UGT1A5: variants seen among roughly 807,000 people sequenced by gnomAD.
The protein encoded by UGT1A5 is UDP-glucuronosyltransferase 1A5.
UGT1A5 carries 29 observed loss-of-function variants against 40.3 expected under a neutral mutation model. The ratio of observed to expected loss-of-function variants is 0.72; its 90% confidence interval spans 0.54 to 0.98. The LOEUF is 0.98. UGT1A5 is among the 50% of genes least tolerant of loss of function. UGT1A5 has a pLI of 0.00. For missense variants in UGT1A5, 678 were observed against 677.9 expected, an observed-to-expected ratio of 1.00 and a Z score of 0.00; for synonymous variants, 257 against 262.5, an observed-to-expected ratio of 0.98 and a Z score of 0.20.
In UGT1A5 at chr2:233,743,767, G is replaced by C. The variant is rs374421270; in HGVS notation, c.868-23267G>C. ...CGTCCGACAACACCTCGTAGGCCTCGGCCACCTGCTTGAATCTCCTCTCCG... is the reference window on the plus strand; with the variant it reads ...CGTCCGACAACACCTCGTAGGCCTCCGCCACCTGCTTGAATCTCCTCTCCG... On this transcript the variant is annotated intron_variant, in intron 1 of 4. Transcript: ENST00000373414. 1.6e-3 allele frequency: 2,161 copies of C among 1,367,298 alleles called. 5 individuals are homozygous for C. Among genetic ancestry groups the C allele is most frequent in the Non-Finnish European group, 2.0e-3 (2,052 of 1,021,846 alleles). 84.7% of individuals were successfully genotyped at this position (1,367,298 alleles called of 1,614,324 possible).
intron 1 of UGT1A5, among the ~76,000 whole-genome samples, chr2:233,759,307 A>C (rs936926400): frequency 6.6e-6 from 1 of 152,192 alleles, no homozygotes; most frequent in Non-Finnish European, 1.5e-5. Context: ...TGAGTGGCTG[A>C]GGTGGGTGAG....
At chr2:233,760,285 G>T (rs376515645) in intron 1 of UGT1A5, 112 of 1,612,816 alleles carry the variant, frequency 6.9e-5, no homozygotes, top group Non-Finnish European at 8.9e-5. Flanking sequence ...GAGCAAAGGC[G>T]CCATGGCTGT....
rs1699312336 is a variant in UGT1A5, at chr2:233,767,034, G to A, written c.868G>A (p.Glu290Lys). ...CTGAAAATTTTTCTTCTGGCTCTAG[G>A]AATTTGAAGCCTACATTAATGCTTC... ...NCANGKPLSQEFEAYINASGE... is the reference protein window; with the variant it reads ...NCANGKPLSQKFEAYINASGE... The change falls in exon 2 of 5, where the codon GAA becomes AAA. Residue 290 changes from glutamate (E) to lysine (K), a missense_variant and splice_region_variant. Physicochemically the swap from Glu to Lys is moderately conservative, Grantham distance 56. Transcript: ENST00000373414. 16 of 1,614,030 alleles carry A rather than the reference G, an allele frequency of 9.9e-6. No homozygotes were observed. The highest frequency in any genetic ancestry group is 1.4e-5 in the Non-Finnish European group (16 of 1,180,002).
chr2:233,748,553 T>G (rs1693970920), intron 1 of UGT1A5, among the ~76,000 whole-genome samples: 1 of 151,806 alleles, frequency 6.6e-6, no homozygotes, highest in Admixed American at 6.5e-5. Context: ...ACCTAAGCAC[T>G]CGCAGGAAGT....
chr2:233,717,373 A>G (rs1210883580), intron 1 of UGT1A5, among the ~76,000 whole-genome samples: 1 of 152,192 alleles, frequency 6.6e-6, no homozygotes, highest in Admixed American at 6.5e-5. Context: ...TCAAGCCCTT[A>G]CAGACCTGCC....
At chr2:233,747,462 T>G (rs1386153404) in intron 1 of UGT1A5, 32 of 1,608,940 alleles carry the variant, frequency 2.0e-5, no homozygotes, top group Non-Finnish European at 1.7e-5. Flanking sequence ...TGCCATTTCA[T>G]GGACCCAGGA....
chr2:233,758,819 C>G (rs577329711), intron 1 of UGT1A5, among the ~76,000 whole-genome samples: 1 of 152,190 alleles, frequency 6.6e-6, no homozygotes, highest in African/African-American at 2.4e-5. Flanking sequence ...AGCAGTATAT[C>G]CCCCCCAAAA....
At chr2:233,729,509 G>C in intron 1 of UGT1A5, 1 of 1,614,214 alleles carries the variant, frequency 6.2e-7, no homozygotes, top group South Asian at 1.1e-5. Context: ...CATAGGTCTT[G>C]TGTGGAGCTA....
chr2:233,729,846 G>T, intron 1 of UGT1A5: 1 of 1,613,888 alleles, frequency 6.2e-7, no homozygotes, highest in Admixed American at 1.7e-5. Context: ...AGCTTTTTCA[G>T]AGAGAGGTGT....
chr2:233,719,110 C>G, intron 1 of UGT1A5: 1 of 1,614,270 alleles, frequency 6.2e-7, no homozygotes, highest in Non-Finnish European at 8.5e-7. Flanking sequence ...CTGGGCTACA[C>G]TCAAGGGTTC....
At chr2:233,762,603 G>T (rs890320273) in intron 1 of UGT1A5, among the ~76,000 whole-genome samples, 2 of 152,136 alleles carry the variant, frequency 1.3e-5, no homozygotes, top group Admixed American at 1.3e-4. Context: ...TGTATTCCAG[G>T]AGTTTTGTTG....
At chr2:233,735,907 G>A (rs1349886995) in intron 1 of UGT1A5, among the ~76,000 whole-genome samples, 1 of 151,990 alleles carries the variant, frequency 6.6e-6, no homozygotes, top group African/African-American at 2.4e-5. Context: ...TTCCCTTTGT[G>A]GGTAACCCGA....
chr2:233,743,821 G>A (rs375309664), intron 1 of UGT1A5: 180 of 1,367,120 alleles, frequency 1.3e-4, no homozygotes, highest in Middle Eastern at 2.1e-4. Flanking sequence ...GGTTTTTGTC[G>A]GGGTGCCACT....
chr2:233,720,775 C>T (rs1334644827), intron 1 of UGT1A5, among the ~76,000 whole-genome samples: 5 of 151,426 alleles, frequency 3.3e-5, no homozygotes, highest in African/African-American at 4.9e-5. Flanking sequence ...GCCGGATCTC[C>T]GCTCACTGCA....
chr2:233,767,100 GTC>G lies in UGT1A5; in HGVS notation c.937_938del (p.Ser313ArgfsTer12). 6.2e-7 allele frequency: 1 copy of G among 1,614,092 alleles called. No homozygotes were observed. The highest frequency in any genetic ancestry group is 8.5e-7 in the Non-Finnish European group (1 of 1,180,010). The stretch of plus-strand genomic sequence containing the variant: ...TGTGGTTTTCTCTTTGGGATCAATG[GTC>G]TCAGAAATTCCAGAGAAGAAAGCTA... ...GIVVFSLGSMVSEIPEKKAMA... is the reference protein window; with the variant it reads ...GIVVFSLGSMXSEIPEKKAMA... On this transcript the variant is annotated frameshift_variant, in exon 2 of 5. Transcript: ENST00000373414. LOFTEE classifies it high-confidence loss of function.
rs1199920513 is a variant in UGT1A5, at chr2:233,767,073, A to G, written c.907A>G (p.Ile303Val). The change falls in exon 2 of 5, where the codon ATT becomes GTT. Residue 303 changes from isoleucine (I) to valine (V), a missense_variant. Coordinates refer to ENST00000373414, the MANE Select transcript of UGT1A5 (RefSeq NM_019078.2). ...CATTAATGCTTCTGGAGAACATGGA[A>G]TTGTGGTTTTCTCTTTGGGATCAAT... is the stretch of plus-strand genomic sequence containing the variant. Reference protein sequence around the residue: ...AYINASGEHGIVVFSLGSMVS... With the variant: ...AYINASGEHGVVVFSLGSMVS... 3.1e-6 allele frequency: 5 copies of G among 1,614,112 alleles called. No homozygotes were observed. Among genetic ancestry groups the G allele is most frequent in the Non-Finnish European group, 3.4e-6 (4 of 1,179,992 alleles).
At chr2:233,750,188 A>G (rs1694384114) in intron 1 of UGT1A5, among the ~76,000 whole-genome samples, 1 of 151,886 alleles carries the variant, frequency 6.6e-6, no homozygotes, top group Non-Finnish European at 1.5e-5. Context: ...AATGTTGTGG[A>G]CAATGAAGTC....
chr2:233,755,915 AGTGGC>A (rs1696065119), intron 1 of UGT1A5: 1 of 150,558 alleles, frequency 6.6e-6, no homozygotes, highest in Non-Finnish European at 1.5e-5. Flanking sequence ...TAGTGAGAAG[AGTGGC>A]ATCGTTTTAC....
At position 233,724,792 on chromosome 2, in the gene UGT1A5, G is replaced by C. The variant is rs992945436; in HGVS notation, c.867+10934G>C. ...CAGAGACACTCCTCACTTCCCAGAC[G>C]GGGTGGCGGCCGGGCAGAGGCTGCA... On this transcript the variant is annotated intron_variant, in intron 1 of 4. Coordinates refer to ENST00000373414, the MANE Select transcript of UGT1A5 (RefSeq NM_019078.2). Among the ~76,000 whole-genome samples, 142 of 140,766 alleles carry C rather than the reference G, an allele frequency of 1.0e-3. 5 individuals are homozygous for C. Among genetic ancestry groups the C allele is most frequent in the African/African-American group, 3.7e-3 (136 of 36,304 alleles). 92.3% of individuals were successfully genotyped at this position (140,766 alleles called of 152,430 possible).
Sources: gnomAD v4.1 joint callset for allele counts (sites outside exome capture counted in the v4.1 genomes callset) on GRCh38, gnomAD v4.1.1 for gene constraint, MANE v1.5 for transcripts, NCBI Gene and HGNC (gene_info 2026-07-23, HGNC 2026-07-21) for gene names.